ROR1: variants seen among roughly 807,000 people sequenced by gnomAD.
The protein encoded by ROR1 is ROR family WNT receptor 1.
A neutral mutation model predicts 78.8 loss-of-function variants in ROR1; 19 were observed. That is an observed-to-expected ratio of 0.24 (90% confidence interval 0.17 to 0.35). The LOEUF (loss-of-function observed/expected upper bound fraction) is 0.35, where lower values mean the gene tolerates loss of function less well. Ranked by LOEUF, ROR1 falls within the 10% of genes least tolerant of loss-of-function variation. The pLI, the probability that ROR1 is intolerant of heterozygous loss-of-function variation, is 1.00. For synonymous variants in ROR1, 386 were observed against 433.6 expected, an observed-to-expected ratio of 0.89 and a Z score of 1.36; for missense variants, 917 against 1,177.8, an observed-to-expected ratio of 0.78 and a Z score of 3.24.
chr1:63,887,530 C>T (rs1290886865), intron 1 of ROR1, among the ~76,000 whole-genome samples: 3 of 152,096 alleles, frequency 2.0e-5, no homozygotes, highest in Non-Finnish European at 4.4e-5. Flanking sequence ...CCTTGTGCTC[C>T]TTTCTAGTCA....
At chr1:64,127,839 C>T (rs562500626) in intron 4 of ROR1, among the ~76,000 whole-genome samples, 2 of 152,292 alleles carry the variant, frequency 1.3e-5, no homozygotes, top group East Asian at 3.9e-4. Context: ...CAATCTCATA[C>T]AGGCATTCTA....
In ROR1 at chr1:64,121,059, C is replaced by CTTTT. The variant is rs200292093; in HGVS notation, c.483-16274_483-16271dup. 2.5e-3 allele frequency among the ~76,000 whole-genome samples: 201 copies of CTTTT among 81,998 alleles called. 17 individuals are homozygous for CTTTT. The highest frequency in any genetic ancestry group is 2.8e-3 in the Non-Finnish European group (128 of 45,144). The allele number at this position is 81,998 out of a possible 152,430, so 53.8% of individuals were successfully genotyped here. A position where few individuals can be genotyped will look rare whatever the true frequency, so the allele number is the denominator to read the frequency against. The stretch of plus-strand genomic sequence containing the variant: ...CCACACTCCAGTCAGGGAGATACCC[C>CTTTT]TTTTTTTTTTTTTTTTTTTTTTTTT... On this transcript the variant is annotated intron_variant, in intron 4 of 8. Coordinates refer to ENST00000371079, the MANE Select transcript of ROR1 (RefSeq NM_005012.4).
intron 2 of ROR1, among the ~76,000 whole-genome samples, chr1:64,022,804 T>A (rs1646575468): frequency 6.6e-6 from 1 of 152,216 alleles, no homozygotes; most frequent in African/African-American, 2.4e-5. Context: ...TTACCAAGCA[T>A]CTGTGTTAAA....
At chr1:63,898,802 A>AG (rs1426330990) in intron 1 of ROR1, among the ~76,000 whole-genome samples, 1 of 151,910 alleles carries the variant, frequency 6.6e-6, no homozygotes, top group Non-Finnish European at 1.5e-5. Flanking sequence ...CCCCCTGCCT[A>AG]GGAGGTCAGG....
chr1:64,036,901 A>C (rs572118268), intron 2 of ROR1, among the ~76,000 whole-genome samples: 1 of 152,270 alleles, frequency 6.6e-6, no homozygotes, highest in South Asian at 2.1e-4. Flanking sequence ...TGTCATTCAC[A>C]TGTCTGGTGT....
At chr1:64,065,810 T>C (rs12081780) in intron 4 of ROR1, among the ~76,000 whole-genome samples, 3,383 of 152,312 alleles carry the variant, frequency 0.022, 140 homozygotes, top group African/African-American at 0.077. Flanking sequence ...TGAAGACTCA[T>C]AGTTTCAGAG....
At chr1:64,114,017 A>G (rs2100678227) in intron 4 of ROR1, among the ~76,000 whole-genome samples, 1 of 152,290 alleles carries the variant, frequency 6.6e-6, no homozygotes, top group South Asian at 2.1e-4. Flanking sequence ...GACTCCTGGC[A>G]TGGGAACTCA....
chr1:63,916,311 T>C (rs1009512627), intron 1 of ROR1, among the ~76,000 whole-genome samples: 3 of 152,154 alleles, frequency 2.0e-5, no homozygotes, highest in African/African-American at 4.8e-5. Context: ...GAAGGGCTCA[T>C]CAAGGTGGAA....
chr1:63,805,192 C>A (rs970129959), intron 1 of ROR1, among the ~76,000 whole-genome samples: 6 of 152,174 alleles, frequency 3.9e-5, no homozygotes, highest in African/African-American at 1.4e-4. Context: ...CACCCACCTG[C>A]AGACACACAA....
At chr1:64,133,860 T>C (rs1208305350) in intron 4 of ROR1, among the ~76,000 whole-genome samples, 2 of 152,164 alleles carry the variant, frequency 1.3e-5, no homozygotes, top group African/African-American at 4.8e-5. Context: ...AAGTGTGAGC[T>C]GGAAAAAAGC....
intron 6 of ROR1, among the ~76,000 whole-genome samples, chr1:64,141,002 G>A (rs1649293822): frequency 6.6e-6 from 1 of 152,184 alleles, no homozygotes; most frequent in African/African-American, 2.4e-5. Context: ...CATATAGACA[G>A]AATTCAGATT....
In ROR1 at chr1:64,179,059, A is replaced by C; in HGVS notation, c.*204A>C. 8 of 518,346 alleles carry C rather than the reference A, an allele frequency of 1.5e-5. No individual in the cohort carries two copies. Among genetic ancestry groups the C allele is most frequent in the Non-Finnish European group, 2.4e-5 (7 of 295,458 alleles). 32.1% of individuals were successfully genotyped at this position (518,346 alleles called of 1,614,324 possible). A position where few individuals can be genotyped will look rare whatever the true frequency, so the allele number is the denominator to read the frequency against. On this transcript the variant is annotated 3_prime_UTR_variant, in exon 9 of 9. Transcript: ENST00000371079. Reference sequence around the variant, plus strand: ...AAAAAAAAAAAAACAAGCAAACAAAAACATTGTGGGATGTGCACTCCATTG... The same window carrying C: ...AAAAAAAAAAAAACAAGCAAACAAACACATTGTGGGATGTGCACTCCATTG...
intron 1 of ROR1, among the ~76,000 whole-genome samples, chr1:63,850,360 A>G (rs1488722804): frequency 6.6e-6 from 1 of 152,242 alleles, no homozygotes; most frequent in Non-Finnish European, 1.5e-5. Context: ...TTCTGTAAAA[A>G]TGTGTGAAGT....
In ROR1 at chr1:63,850,639, T is replaced by G. The variant is rs1035557057; in HGVS notation, c.91+76131T>G. ...GATGTTAGAGCAAAGACTGGAGATTTTTTTTTCCTTTTCCTCCTGTTCTAG... is the reference window on the plus strand; with the variant it reads ...GATGTTAGAGCAAAGACTGGAGATTGTTTTTTCCTTTTCCTCCTGTTCTAG... On this transcript the variant is annotated intron_variant, in intron 1 of 8. Coordinates refer to ENST00000371079, the MANE Select transcript of ROR1 (RefSeq NM_005012.4). Among the ~76,000 whole-genome samples, 5 of 152,358 alleles carry G rather than the reference T, an allele frequency of 3.3e-5. No individual in the cohort carries two copies. The East Asian group carries it at 9.6e-4, about 29-fold the overall frequency.
At chr1:63,962,399 A>G (rs544936043) in intron 1 of ROR1, among the ~76,000 whole-genome samples, 1 of 152,378 alleles carries the variant, frequency 6.6e-6, no homozygotes, top group East Asian at 1.9e-4. Flanking sequence ...AGCACTGAGA[A>G]TACGGAGATG....
At chr1:64,014,768 A>ATATATATATATATATATATATG (rs1557609719) in intron 2 of ROR1, among the ~76,000 whole-genome samples, 2 of 76,594 alleles carry the variant, frequency 2.6e-5, no homozygotes, top group African/African-American at 7.8e-5. Context: ...ATATATATAT[A>ATATATATATATATATATATATG]TATATACACA....
At chr1:64,170,207 C>T (rs902151916) in intron 8 of ROR1, among the ~76,000 whole-genome samples, 20 of 152,226 alleles carry the variant, frequency 1.3e-4, no homozygotes, top group Non-Finnish European at 2.5e-4. Context: ...ATGAGGGCCT[C>T]ACCCCTGCAG....
intron 1 of ROR1, among the ~76,000 whole-genome samples, chr1:63,925,338 T>C (rs887360052): frequency 6.6e-6 from 1 of 150,992 alleles, no homozygotes; most frequent in African/African-American, 2.4e-5. Flanking sequence ...ACAAAGGACA[T>C]GAACTCATCA....
chr1:64,000,827 A>G (rs1395817790), intron 1 of ROR1, among the ~76,000 whole-genome samples: 2 of 152,188 alleles, frequency 1.3e-5, no homozygotes, highest in Non-Finnish European at 1.5e-5. Context: ...ATTCTTCCTC[A>G]GTGATGTCTT....
Sources: gnomAD v4.1 joint callset for allele counts (sites outside exome capture counted in the v4.1 genomes callset) on GRCh38, gnomAD v4.1.1 for gene constraint, MANE v1.5 for transcripts, NCBI Gene and HGNC (gene_info 2026-07-23, HGNC 2026-07-21) for gene names.